ABHD18: variants seen among roughly 807,000 people sequenced by gnomAD.
ABHD18 encodes the protein abhydrolase domain containing 18, also known as cardiolipin-specific deacylase, mitochondrial.
ABHD18 carries 55 observed loss-of-function variants against 65.9 expected under a neutral mutation model. The ratio of observed to expected loss-of-function variants is 0.84; its 90% CI spans 0.67 to 1.05. The LOEUF is 1.05. Among genes scored for constraint, ABHD18 ranks in the 50% least tolerant of loss-of-function variants. The pLI is 0.00. For synonymous variants in ABHD18, 181 were observed against 180.2 expected (o/e 1.00, Z -0.04); for missense variants, 533 against 558.5 (o/e 0.95, Z 0.46).
chr4:127,983,674 G>A (rs1380164247), intron 2 of ABHD18, among the ~76,000 whole-genome samples: 1 of 152,114 alleles, frequency 6.6e-6, no homozygotes, highest in African/African-American at 2.4e-5. Context: ...GAACAGCCTG[G>A]CTAACATAGT....
chr4:128,005,483 G>T (rs909491444), intron 4 of ABHD18, among the ~76,000 whole-genome samples: 8 of 152,176 alleles, frequency 5.3e-5, no homozygotes, highest in African/African-American at 1.9e-4. Context: ...TTTTTTAAGA[G>T]ACAGGGTCTC....
intron 10 of ABHD18, among the ~76,000 whole-genome samples, chr4:128,022,819 A>G (rs1018885867): frequency 6.9e-6 from 1 of 145,784 alleles, no homozygotes; most frequent in Non-Finnish European, 1.5e-5. Flanking sequence ...GCTGGAGTGC[A>G]GTGGCACGAT....
At chr4:127,974,497 A>G (rs1747512499) in intron 1 of ABHD18, among the ~76,000 whole-genome samples, 1 of 151,668 alleles carries the variant, frequency 6.6e-6, no homozygotes, top group Non-Finnish European at 1.5e-5. Flanking sequence ...TCAGCCTCCT[A>G]AGTAGCTGGA....
At chr4:128,027,191 T>C (rs1757493396) in intron 10 of ABHD18, among the ~76,000 whole-genome samples, 1 of 152,156 alleles carries the variant, frequency 6.6e-6, no homozygotes, top group African/African-American at 2.4e-5. Context: ...CTAGAAACAA[T>C]AGATTATACC....
chr4:127,983,995 C>G lies in ABHD18; in HGVS notation c.93-344C>G, dbSNP rs1037506997. On this transcript the variant is annotated intron_variant, in intron 2 of 12. Coordinates refer to ENST00000645843, the MANE Select transcript of ABHD18 (RefSeq NM_001358451.3). The stretch of plus-strand genomic sequence containing the variant: ...CAGAGGTTGCAGTGAGCTGAGATTG[C>G]GCCACTGCACTCGCCTGGGTGACAG... 2.0e-5 allele frequency among the ~76,000 whole-genome samples: 3 copies of G among 151,448 alleles called. No homozygotes were observed. The East Asian group carries it at 5.8e-4, about 29-fold the overall frequency.
intron 4 of ABHD18, chr4:128,001,851 T>TTTTG: frequency 8.2e-6 from 11 of 1,338,420 alleles, no homozygotes; most frequent in African/African-American, 1.5e-5. Context: ...GTTTTGTTTT[T>TTTTG]TTTTTTAATT....
chr4:127,994,870 G>T (rs1295115161), intron 4 of ABHD18, among the ~76,000 whole-genome samples: 1 of 151,992 alleles, frequency 6.6e-6, no homozygotes, highest in African/African-American at 2.4e-5. Context: ...CTCATTTTAT[G>T]TATGTATTTA....
intron 8 of ABHD18, 68 bp from the exon 9 acceptor site, chr4:128,020,012 A>G: frequency 2.0e-6 from 2 of 1,025,028 alleles, no homozygotes; most frequent in Non-Finnish European, 2.9e-6. Flanking sequence ...AATGCTTATT[A>G]ATATTAAATA....
chr4:128,028,737 A>G lies in ABHD18; in HGVS notation c.1064A>G (p.Asn355Ser), dbSNP rs1282461049. 3.1e-6 allele frequency: 5 copies of G among 1,613,968 alleles called. No individual in the cohort carries two copies. The highest frequency in any genetic ancestry group is 3.4e-6 in the Non-Finnish European group (4 of 1,179,866). Reference sequence around the variant, plus strand: ...AACAAAAGTGGTTATACAAGTCGCAACCCTCAGTCATACCACCTACTTAGT... The same window carrying G: ...AACAAAAGTGGTTATACAAGTCGCAGCCCTCAGTCATACCACCTACTTAGT... ...STNKSGYTSR[N>S]PQSYHLLSKE... is the part of the protein sequence containing the mutation. Residue 355 changes from asparagine to serine, a missense_variant, in exon 11 of 13, where the codon AAC becomes AGC. Asn to Ser is a conservative substitution (Grantham distance 46). Around this residue, in one of 3 missense-constraint regions of ABHD18, gnomAD observed 220 missense variants for 226.8 expected, o/e 0.97. Coordinates refer to ENST00000645843, the MANE Select transcript of ABHD18 (RefSeq NM_001358451.3).
intron 4 of ABHD18, among the ~76,000 whole-genome samples, chr4:128,007,404 G>GA (rs1430794004): frequency 7.0e-6 from 1 of 142,496 alleles, no homozygotes; most frequent in Non-Finnish European, 1.5e-5. Context: ...TAGGTTAAAA[G>GA]AAAAAACATA....
chr4:128,029,017 A>G (rs375439744), intron 11 of ABHD18, among the ~76,000 whole-genome samples, 164 bp downstream of exon 11: 6 of 152,160 alleles, frequency 3.9e-5, no homozygotes, highest in East Asian at 3.8e-4. Context: ...AATGTATCAT[A>G]TTCTATCTAT....
chr4:127,996,229 C>T (rs1751710319), intron 4 of ABHD18, among the ~76,000 whole-genome samples: 1 of 152,168 alleles, frequency 6.6e-6, no homozygotes, highest in Non-Finnish European at 1.5e-5. Context: ...ATAGTATTCA[C>T]TCACCTTTTC....
At chr4:127,989,675 A>G (rs1750595392) in intron 3 of ABHD18, 46 bp from the exon 4 acceptor site, 1 of 1,303,272 alleles carries the variant, frequency 7.7e-7, no homozygotes, top group Non-Finnish European at 1.1e-6. Context: ...ACAGACCAAG[A>G]TATCTTAGTT....
At chr4:127,977,773 A>AT (rs138223792) in intron 1 of ABHD18, among the ~76,000 whole-genome samples, 2,058 of 150,954 alleles carry the variant, frequency 0.014, 32 homozygotes, top group Middle Eastern at 0.082. Context: ...TTTAGAATAA[A>AT]TTTTTTTTTT....
chr4:128,003,962 A>AAG (rs1753144611), intron 4 of ABHD18, among the ~76,000 whole-genome samples: 1 of 149,710 alleles, frequency 6.7e-6, no homozygotes, highest in Non-Finnish European at 1.5e-5. Flanking sequence ...AAAAAAAAAA[A>AAG]CAAAAAAAAA....
intron 4 of ABHD18, among the ~76,000 whole-genome samples, chr4:128,004,221 G>C (rs926602301): frequency 6.6e-6 from 1 of 152,070 alleles, no homozygotes. Flanking sequence ...GGAAGCTGAG[G>C]CAGGCGGATC....
At chr4:127,989,878 A>G in intron 4 of ABHD18, 57 bp downstream of exon 4, 1 of 1,076,712 alleles carries the variant, frequency 9.3e-7, no homozygotes. Flanking sequence ...TTAAAATTAT[A>G]ATATCAACAC....
chr4:128,016,604 G>A (rs780129962), intron 7 of ABHD18, among the ~76,000 whole-genome samples: 2 of 151,158 alleles, frequency 1.3e-5, no homozygotes, highest in Non-Finnish European at 3.0e-5. Context: ...GTGAAACCCC[G>A]TCTCTGCTAA....
At chr4:128,021,653 T>TA (rs1256482242) in intron 10 of ABHD18, among the ~76,000 whole-genome samples, 1 of 152,042 alleles carries the variant, frequency 6.6e-6, no homozygotes, top group Non-Finnish European at 1.5e-5. Flanking sequence ...GACTCTGTCT[T>TA]AAAAATAAAT....
Sources: allele counts gnomAD v4.1 joint callset (sites outside exome capture counted in the v4.1 genomes callset), GRCh38; gene constraint gnomAD v4.1.1; regional missense constraint gnomAD v4.1.1; transcripts MANE v1.5; gene names NCBI Gene and HGNC (gene_info 2026-07-23, HGNC 2026-07-21).